The following DOCK7 variants were observed in gnomAD, a reference collection of about 807,000 sequenced individuals.
The protein encoded by DOCK7 is dedicator of cytokinesis 7.
A neutral mutation model predicts 271.0 loss-of-function variants in DOCK7; 138 were observed. The observed-to-expected ratio is 0.51, with a 90% CI of 0.44 to 0.59. The LOEUF (loss-of-function observed/expected upper bound fraction) is 0.59. Ranked by LOEUF, DOCK7 falls within the 20% of genes least tolerant of loss-of-function variation. The pLI, the probability that DOCK7 is intolerant of heterozygous loss-of-function variation, is 0.00. For synonymous variants in DOCK7, 823 were observed against 876.1 expected (o/e 0.94, Z 1.07); for missense variants, 2,066 against 2,592.4 (o/e 0.80, Z 4.41).
chr1:62,635,937 A>G (rs980257664), intron 8 of DOCK7, among the ~76,000 whole-genome samples: 3 of 152,066 alleles, frequency 2.0e-5, no homozygotes, highest in East Asian at 1.9e-4. Flanking sequence ...TTTCTACTAC[A>G]TATTAGTCTT....
intron 16 of DOCK7, among the ~76,000 whole-genome samples, chr1:62,582,081 A>T (rs956171168): frequency 5.3e-5 from 8 of 152,192 alleles, no homozygotes; most frequent in Non-Finnish European, 1.0e-4. Flanking sequence ...AAACAGAAGG[A>T]AAGGCAAATC....
intron 43 of DOCK7, among the ~76,000 whole-genome samples, chr1:62,481,185 G>A (rs550347215): frequency 5.9e-5 from 9 of 152,228 alleles, no homozygotes; most frequent in African/African-American, 1.7e-4. Context: ...AAAGCCTACC[G>A]AGTGTGTTTG....
At chr1:62,587,821 G>A (rs1379529135) in intron 14 of DOCK7, among the ~76,000 whole-genome samples, 1 of 152,112 alleles carries the variant, frequency 6.6e-6, no homozygotes, top group Admixed American at 6.5e-5. Flanking sequence ...GGGTGTGGGG[G>A]AAGGTAGAGA....
rs1408426501 is a variant in DOCK7, at chr1:62,582,475, G to A, written c.1871+709C>T. On this transcript the variant is annotated intron_variant, in intron 16 of 49. Transcript: ENST00000635253. ...TGAGGCAGGAGAATGGCGTGAACCC[G>A]GGAGGCGGAGCTTGCAGTAAGCCGA... Among the ~76,000 whole-genome samples the A allele has an allele frequency of 1.7e-3, 252 of 144,432 alleles. 1 individual carries two copies. Among genetic ancestry groups the A allele is most frequent in the African/African-American group, 6.3e-3 (242 of 38,648 alleles). 94.8% of individuals were successfully genotyped at this position (144,432 alleles called of 152,430 possible). A position where few individuals can be genotyped will look rare whatever the true frequency, so the allele number is the denominator to read the frequency against.
chr1:62,482,881 AAC>A (rs1646169346), intron 43 of DOCK7: 2 of 152,156 alleles, frequency 1.3e-5, no homozygotes, highest in Non-Finnish European at 1.5e-5. Flanking sequence ...TTACTGACAA[AAC>A]ACATTCTTCC....
At chr1:62,569,705 T>TCCCCCCCCA (rs1205849919) in intron 18 of DOCK7, among the ~76,000 whole-genome samples, 1 of 104,826 alleles carries the variant, frequency 9.5e-6, no homozygotes, top group Non-Finnish European at 1.9e-5. Context: ...CTCACCACTC[T>TCCCCCCCCA]CCCCCCTCCC....
rs143505385 is a variant in DOCK7 at position 62,594,489 on chromosome 1, T to A, written c.1683-7865A>T. On this transcript the variant is annotated intron_variant, in intron 14 of 49. Coordinates refer to ENST00000635253, the MANE Select transcript of DOCK7 (RefSeq NM_001367561.1). ...GCACAAATTTTGCAAAAAGTGTTAG[T>A]ATCCTACTACAGTAGGATATAATAT... 2.4e-3 allele frequency among the ~76,000 whole-genome samples: 368 copies of A among 152,230 alleles called. 9 individuals carry two copies. The South Asian group carries it at 0.064, about 26-fold the overall frequency.
At chr1:62,549,363 T>G (rs1335162278) in intron 22 of DOCK7, among the ~76,000 whole-genome samples, 1 of 152,134 alleles carries the variant, frequency 6.6e-6, no homozygotes, top group Non-Finnish European at 1.5e-5. Context: ...AATATTTGAC[T>G]GAAGTAGAGA....
chr1:62,650,639 T>A, intron 4 of DOCK7, among the ~76,000 whole-genome samples: 1 of 152,124 alleles, frequency 6.6e-6, no homozygotes. Flanking sequence ...GCAAACGATA[T>A]GAACAGACAC....
intron 14 of DOCK7, among the ~76,000 whole-genome samples, chr1:62,590,932 G>A (rs764597947): frequency 3.9e-5 from 6 of 152,150 alleles, no homozygotes; most frequent in Non-Finnish European, 7.4e-5. Flanking sequence ...GCAGTATGGC[G>A]ATTCCTCAAA....
Position 62,618,868 on chromosome 1 carries a change from G to A in DOCK7, c.1520C>T (p.Ala507Val), listed in dbSNP as rs762224383. 1 of 1,611,684 alleles carries A rather than the reference G, an allele frequency of 6.2e-7. No individual in the cohort carries two copies. Among genetic ancestry groups the A allele is most frequent in the Admixed American group, 1.7e-5 (1 of 59,754 alleles). ...SVLRRLRPIT[A>V]QLKIDISPAP... is the part of the protein sequence containing the mutation. ...GGGAGAAATGTCTATCTTGAGCTGAGCTGCAAATTATATATTAAAAAACAA... is the reference window on the plus strand; with the variant it reads ...GGGAGAAATGTCTATCTTGAGCTGAACTGCAAATTATATATTAAAAAACAA... The change falls in exon 14 of 50, where the codon GCT becomes GTT. Residue 507 changes from alanine to valine, a missense_variant and splice_region_variant. This residue lies in a region of DOCK7 where 1,414 missense variants were observed against 1,670.4 expected (regional missense o/e 0.85). Coordinates refer to ENST00000635253, the MANE Select transcript of DOCK7 (RefSeq NM_001367561.1).
In DOCK7 at chr1:62,557,084, G is replaced by A. The variant is rs1361404740; in HGVS notation, c.2432-1095C>T. 5.1e-5 allele frequency among the ~76,000 whole-genome samples: 7 copies of A among 138,254 alleles called. No homozygotes were observed. In the East Asian group the frequency reaches 8.4e-4, roughly 17 times the overall value. The allele number at this position is 138,254 out of a possible 152,430, so 90.7% of individuals were successfully genotyped here. On this transcript the variant is annotated intron_variant, in intron 20 of 49. Transcript: ENST00000635253. Reference sequence around the variant, plus strand: ...TCTTTTCTTTTTTTTTTTTTTTTAAGAGATGGGGTCTTGCTATGTTGACCA... The same window carrying A: ...TCTTTTCTTTTTTTTTTTTTTTTAAAAGATGGGGTCTTGCTATGTTGACCA...
chr1:62,563,346 T>C (rs1188949351), intron 18 of DOCK7, among the ~76,000 whole-genome samples: 1 of 152,154 alleles, frequency 6.6e-6, no homozygotes, highest in African/African-American at 2.4e-5. Context: ...TAAAAATTAT[T>C]CATCATATCA....
intron 10 of DOCK7, 71 bp from the exon 11 acceptor site, chr1:62,631,476 C>T (rs1654621485): frequency 7.6e-7 from 1 of 1,314,468 alleles, no homozygotes; most frequent in Non-Finnish European, 1.0e-6. Context: ...TTTCATACTA[C>T]ATAAAGGAAA....
intron 14 of DOCK7, among the ~76,000 whole-genome samples, chr1:62,602,098 A>G (rs1369436148): frequency 6.6e-6 from 1 of 151,714 alleles, no homozygotes; most frequent in East Asian, 1.9e-4. Flanking sequence ...TAAGTTTACT[A>G]TGCCAAAATT....
intron 7 of DOCK7, among the ~76,000 whole-genome samples, chr1:62,645,929 C>T (rs890058440): frequency 1.1e-4 from 17 of 151,954 alleles, no homozygotes; most frequent in African/African-American, 2.9e-4. Context: ...AGGCAGAACA[C>T]GAGGTCAGGA....
At chr1:62,587,155 G>A (rs1173159227) in intron 14 of DOCK7, among the ~76,000 whole-genome samples, 1 of 151,790 alleles carries the variant, frequency 6.6e-6, no homozygotes, top group Admixed American at 6.6e-5. Context: ...AATAGAGTTA[G>A]GTAGTTACTA....
chr1:62,461,447 G>A (rs1263864705), intron 48 of DOCK7, among the ~76,000 whole-genome samples: 32 of 152,024 alleles, frequency 2.1e-4, no homozygotes, highest in Admixed American at 2.1e-3. Flanking sequence ...TTGGCAGGCT[G>A]AGACCAGAGG....
At chr1:62,456,176 A>C (rs1645342264) in intron 49 of DOCK7, among the ~76,000 whole-genome samples, 1 of 152,168 alleles carries the variant, frequency 6.6e-6, no homozygotes, top group Admixed American at 6.5e-5. Flanking sequence ...CATTAATATG[A>C]AATTAGTTTT....
Sources: gnomAD v4.1 joint callset for allele counts (sites outside exome capture counted in the v4.1 genomes callset) on GRCh38, gnomAD v4.1.1 for gene constraint, gnomAD v4.1.1 regional missense constraint, MANE v1.5 for transcripts, NCBI Gene and HGNC (gene_info 2026-07-23, HGNC 2026-07-21) for gene names.